NAALADL2: variants seen among roughly 807,000 people sequenced by gnomAD.
NAALADL2 encodes the protein N-acetylated alpha-linked acidic dipeptidase like 2.
Under a neutral mutation model 87.2 loss-of-function variants are expected in NAALADL2, and 76 were observed. The ratio of observed to expected loss-of-function variants is 0.87; its 90% CI spans 0.72 to 1.05. The LOEUF (loss-of-function observed/expected upper bound fraction) is 1.05. Among genes scored for constraint, NAALADL2 ranks in the 50% least tolerant of loss-of-function variants. NAALADL2 has a pLI of 0.00. For synonymous variants in NAALADL2, 354 were observed against 331.0 expected (o/e 1.07, Z -0.75); for missense variants, 1,089 against 945.8 (o/e 1.15, Z -1.99).
intron 13 of NAALADL2, among the ~76,000 whole-genome samples, chr3:175,765,884 CG>C (rs1192915920): frequency 3.9e-5 from 6 of 151,938 alleles, no homozygotes; most frequent in African/African-American, 1.5e-4. Context: ...ATAAGAAAAC[CG>C]AGGCTTAGGA....
chr3:175,388,303 A>G (rs1435004304), intron 5 of NAALADL2, among the ~76,000 whole-genome samples: 1 of 152,090 alleles, frequency 6.6e-6, no homozygotes, highest in Admixed American at 6.6e-5. Context: ...ATGATTTTCT[A>G]TCTAAAAACT....
intron 5 of NAALADL2, among the ~76,000 whole-genome samples, chr3:175,439,673 C>T (rs1174908503): frequency 2.1e-5 from 3 of 140,642 alleles, no homozygotes; most frequent in Admixed American, 7.0e-5. Context: ...TGTTAGCCTA[C>T]TTTTTGATGG....
chr3:175,099,690 C>A (rs1292299915), intron 2 of NAALADL2, among the ~76,000 whole-genome samples: 1 of 152,126 alleles, frequency 6.6e-6, no homozygotes, highest in Non-Finnish European at 1.5e-5. Flanking sequence ...ATTGCTGTAT[C>A]TCTTTTCTAT....
intron 2 of NAALADL2, among the ~76,000 whole-genome samples, chr3:175,181,398 C>A (rs2108988539): frequency 6.6e-6 from 1 of 151,868 alleles, no homozygotes; most frequent in Admixed American, 6.6e-5. Flanking sequence ...ATATATCCAT[C>A]ATCTCAAATG....
chr3:174,522,617 C>T (rs527348841), intron 1 of NAALADL2, among the ~76,000 whole-genome samples: 2 of 151,862 alleles, frequency 1.3e-5, no homozygotes, highest in Admixed American at 1.3e-4. Flanking sequence ...CCAGCCTGGG[C>T]GACAGACCAA....
intron 2 of NAALADL2, among the ~76,000 whole-genome samples, chr3:174,612,474 T>G (rs1404815568): frequency 3.3e-5 from 5 of 152,138 alleles, no homozygotes; most frequent in African/African-American, 1.2e-4. Flanking sequence ...TGATTCATTC[T>G]TTTTAATGCT....
At chr3:175,214,152 T>C (rs1027798320) in intron 2 of NAALADL2, among the ~76,000 whole-genome samples, 14 of 152,320 alleles carry the variant, frequency 9.2e-5, no homozygotes, top group African/African-American at 2.9e-4. Flanking sequence ...GCATTGCTTT[T>C]ATGTTGATAG....
At chr3:174,785,703 A>T (rs484059) in intron 3 of NAALADL2, among the ~76,000 whole-genome samples, 43,589 of 152,012 alleles carry the variant, frequency 0.29, 6,400 homozygotes, top group Middle Eastern at 0.33. Context: ...TGTAGGCTTT[A>T]AAAAAAGACA....
At chr3:175,128,154 A>G (rs550482961) in intron 2 of NAALADL2, among the ~76,000 whole-genome samples, 1 of 152,276 alleles carries the variant, frequency 6.6e-6, no homozygotes, top group Non-Finnish European at 1.5e-5. Context: ...GTGTTATTGG[A>G]AGGCAAAATA....
At chr3:174,572,249 C>T (rs1213375381) in intron 2 of NAALADL2, among the ~76,000 whole-genome samples, 1 of 152,022 alleles carries the variant, frequency 6.6e-6, no homozygotes, top group Non-Finnish European at 1.5e-5. Context: ...TTCAGTTTCC[C>T]AAGTAACCAG....
At chr3:174,975,640 G>GTATGTA (rs1443285406) in intron 1 of NAALADL2, among the ~76,000 whole-genome samples, 34 of 152,192 alleles carry the variant, frequency 2.2e-4, no homozygotes, top group African/African-American at 8.0e-4. Context: ...ATAACAAATG[G>GTATGTA]TGATGGGCTA....
At chr3:175,792,706 A>C (rs1162157891) in intron 13 of NAALADL2, among the ~76,000 whole-genome samples, 3 of 152,222 alleles carry the variant, frequency 2.0e-5, no homozygotes, top group African/African-American at 7.2e-5. Context: ...AGCCGTACTC[A>C]CATTGGCTTA....
chr3:175,357,045 TTTATC>T (rs1326851851), intron 5 of NAALADL2, among the ~76,000 whole-genome samples: 1 of 152,146 alleles, frequency 6.6e-6, no homozygotes, highest in Non-Finnish European at 1.5e-5. Flanking sequence ...TAGTCAATCA[TTTATC>T]TTAACTCTCA....
At chr3:175,079,633 A>G (rs550569582) in intron 1 of NAALADL2, among the ~76,000 whole-genome samples, 8 of 152,350 alleles carry the variant, frequency 5.3e-5, no homozygotes, top group South Asian at 2.1e-4. Flanking sequence ...AAACAACTCC[A>G]TATCAAAGAA....
intron 11 of NAALADL2, among the ~76,000 whole-genome samples, chr3:175,730,413 T>TATATATATATATATATATATAG: frequency 2.1e-5 from 2 of 95,140 alleles, no homozygotes; most frequent in African/African-American, 4.5e-5. Flanking sequence ...TATATATATA[T>TATATATATATATATATATATAG]ATATATATAT....
intron 9 of NAALADL2, among the ~76,000 whole-genome samples, chr3:175,563,967 G>A (rs1195790040): frequency 6.6e-6 from 1 of 152,126 alleles, no homozygotes; most frequent in African/African-American, 2.4e-5. Context: ...CAGTTTTAAG[G>A]TTATGCGATG....
intron 1 of NAALADL2, among the ~76,000 whole-genome samples, chr3:174,514,718 A>G (rs1203505696): frequency 6.6e-6 from 1 of 151,726 alleles, no homozygotes; most frequent in East Asian, 1.9e-4. Flanking sequence ...ATTTTTTTCT[A>G]TTTTTCTTTG....
intron 2 of NAALADL2, among the ~76,000 whole-genome samples, chr3:174,717,154 C>T (rs1477803396): frequency 1.3e-5 from 2 of 152,054 alleles, no homozygotes; most frequent in Non-Finnish European, 2.9e-5. Context: ...TTTCTGAATA[C>T]TAATCTGAAG....
At chr3:174,621,117 A>G (rs1041820269) in intron 2 of NAALADL2, among the ~76,000 whole-genome samples, 3 of 152,052 alleles carry the variant, frequency 2.0e-5, no homozygotes, top group Admixed American at 2.0e-4. Flanking sequence ...GGAGAGATGT[A>G]TTTGACAGTC....
Sources: allele counts gnomAD v4.1 joint callset (sites outside exome capture counted in the v4.1 genomes callset), GRCh38; gene constraint gnomAD v4.1.1; transcripts MANE v1.5; gene names NCBI Gene and HGNC (gene_info 2026-07-23, HGNC 2026-07-21).